GABBR2: variants seen among roughly 807,000 people sequenced by gnomAD.
The protein encoded by GABBR2 is G-protein coupled receptor 51.
In GABBR2, 23 loss-of-function variants were observed where a neutral mutation model predicts 105.6. The observed-to-expected ratio is 0.22, with a 90% CI of 0.16 to 0.31. GABBR2 has a LOEUF of 0.31. GABBR2 is among the 10% of genes least tolerant of loss of function. The pLI, the probability that GABBR2 is intolerant of heterozygous loss-of-function variation, is 1.00. For missense variants in GABBR2, 734 were observed against 1,245.5 expected (o/e 0.59, Z 6.18); for synonymous variants, 478 against 499.7 (o/e 0.96, Z 0.58).
At chr9:98,616,240 C>T (rs1829580440) in intron 1 of GABBR2, among the ~76,000 whole-genome samples, 1 of 152,238 alleles carries the variant, frequency 6.6e-6, no homozygotes, top group East Asian at 1.9e-4. Context: ...TTCAAATCCT[C>T]AGGGTCTTTG....
intron 4 of GABBR2, among the ~76,000 whole-genome samples, chr9:98,492,189 C>T (rs1378405796): frequency 6.6e-6 from 1 of 151,356 alleles, no homozygotes; most frequent in Non-Finnish European, 1.5e-5. Context: ...CTCTTTTCAC[C>T]AGTTATGCTA....
chr9:98,432,311 G>A lies in GABBR2; in HGVS notation c.1236+21670C>T, dbSNP rs145913898. Among the ~76,000 whole-genome samples the A allele has an allele frequency of 7.6e-4, 116 of 152,364 alleles. 1 individual carries two copies. Among genetic ancestry groups the A allele is most frequent in the Admixed American group, 9.2e-4 (14 of 15,300 alleles). On this transcript the variant is annotated intron_variant, in intron 7 of 18. Coordinates refer to ENST00000259455, the MANE Select transcript of GABBR2 (RefSeq NM_005458.8). ...CGGCAGAGGGGACAGAGAAAAAGGG[G>A]TGGTGGTTGGGATTTCACGGGGGTG... is the stretch of plus-strand genomic sequence containing the variant.
chr9:98,294,078 G>A (rs1174162439), intron 17 of GABBR2, among the ~76,000 whole-genome samples, 176 bp from the exon 18 acceptor site: 1 of 152,196 alleles, frequency 6.6e-6, no homozygotes, highest in Admixed American at 6.5e-5. Context: ...AAGGCGGTGA[G>A]CTGAGAAGCC....
chr9:98,606,807 C>CT lies in GABBR2; in HGVS notation c.322-28736dup, dbSNP rs530075369. The CT allele has an allele frequency of 2.2e-4, 74 of 329,504 alleles. No individual in the cohort carries two copies. In the East Asian group the frequency reaches 4.4e-3, roughly 19 times the overall value. The allele number at this position is 329,504 out of a possible 1,614,324, so 20.4% of individuals were successfully genotyped here. A position where few individuals can be genotyped will look rare whatever the true frequency, so the allele number is the denominator to read the frequency against. On this transcript the variant is annotated intron_variant, in intron 1 of 18. Coordinates refer to ENST00000259455, the MANE Select transcript of GABBR2 (RefSeq NM_005458.8). ...TTATCATTTTTTTATGATAACTTTC[C>CT]TTTTTTAAAAAAAAAGTACAAACAG...
In GABBR2 at chr9:98,290,590, G is replaced by A. The variant is rs767064117; in HGVS notation, c.2820C>T (p.Gly940=). ...GGGCCCAGGCCTCCCACCCTTACAG[G>A]CCCGAGACCATGACTCGGAAGGAGG... The part of the protein sequence containing the change: ...VPPSFRVMVS[G]L Residue 940 remains glycine, a synonymous_variant, in exon 19 of 19, where the codon GGC becomes GGT. Transcript: ENST00000259455. 3 of 1,394,588 alleles carry A rather than the reference G, an allele frequency of 2.2e-6. No individual in the cohort carries two copies. Among genetic ancestry groups the A allele is most frequent in the Non-Finnish European group, 2.8e-6 (3 of 1,073,450 alleles). 86.4% of individuals were successfully genotyped at this position (1,394,588 alleles called of 1,614,324 possible). A position where few individuals can be genotyped will look rare whatever the true frequency, so the allele number is the denominator to read the frequency against.
intron 1 of GABBR2, among the ~76,000 whole-genome samples, chr9:98,635,209 C>T (rs199670656): frequency 1.2e-3 from 176 of 152,324 alleles, no homozygotes; most frequent in Non-Finnish European, 2.1e-3. Context: ...CTATTTTCAC[C>T]AGGGATTCAC....
At chr9:98,503,958 T>C (rs1827454677) in intron 3 of GABBR2, among the ~76,000 whole-genome samples, 1 of 152,174 alleles carries the variant, frequency 6.6e-6, no homozygotes, top group Non-Finnish European at 1.5e-5. Context: ...GTAGCTAAAG[T>C]GGCTACTGAT....
chr9:98,392,975 C>G (rs941925694), intron 9 of GABBR2, among the ~76,000 whole-genome samples: 1 of 124,158 alleles, frequency 8.1e-6, no homozygotes, highest in Non-Finnish European at 1.7e-5. Context: ...CCAACCCACC[C>G]ACCTATCCAT....
chr9:98,567,926 C>A (rs1177131522), intron 2 of GABBR2, among the ~76,000 whole-genome samples: 1 of 152,050 alleles, frequency 6.6e-6, no homozygotes, highest in Non-Finnish European at 1.5e-5. Context: ...TCAGGAGAGC[C>A]TGGGAGAGTA....
chr9:98,455,490 GCAGT>G (rs545763220), intron 6 of GABBR2, among the ~76,000 whole-genome samples: 27 of 152,300 alleles, frequency 1.8e-4, no homozygotes, highest in Non-Finnish European at 3.8e-4. Flanking sequence ...TCACGGGCAT[GCAGT>G]CAGTCTATAG....
intron 6 of GABBR2, among the ~76,000 whole-genome samples, chr9:98,463,976 G>C (rs1277182918): frequency 1.3e-5 from 2 of 152,160 alleles, no homozygotes; most frequent in Non-Finnish European, 2.9e-5. Flanking sequence ...CGTGATCTTG[G>C]CTCGCTACAA....
chr9:98,655,012 T>C (rs774827557), intron 1 of GABBR2, among the ~76,000 whole-genome samples: 16 of 152,288 alleles, frequency 1.1e-4, no homozygotes, highest in Non-Finnish European at 2.1e-4. Flanking sequence ...TACATACTGC[T>C]TGATTTCAAC....
chr9:98,430,791 C>T (rs1464410044), intron 7 of GABBR2, among the ~76,000 whole-genome samples: 1 of 152,054 alleles, frequency 6.6e-6, no homozygotes, highest in East Asian at 1.9e-4. Flanking sequence ...GTTTGGGTTC[C>T]CCCTTCCTGT....
intron 8 of GABBR2, among the ~76,000 whole-genome samples, chr9:98,401,241 G>T (rs1312074677): frequency 6.6e-6 from 1 of 152,126 alleles, no homozygotes; most frequent in African/African-American, 2.4e-5. Context: ...AAGAGACTAA[G>T]CTTCTTTGCC....
At chr9:98,581,696 C>G (rs1159579796) in intron 1 of GABBR2, among the ~76,000 whole-genome samples, 2 of 151,902 alleles carry the variant, frequency 1.3e-5, no homozygotes, top group Non-Finnish European at 2.9e-5. Flanking sequence ...TTGGAATCTA[C>G]CATGATTTAC....
chr9:98,436,296 TATATATACCCATAAATATACC>T (rs1359222033), intron 7 of GABBR2, among the ~76,000 whole-genome samples: 2 of 116,480 alleles, frequency 1.7e-5, no homozygotes, highest in Admixed American at 9.5e-5. Context: ...TATATATATA[TATATATACCCATAAATATACC>T]ATATATATAT....
intron 3 of GABBR2, among the ~76,000 whole-genome samples, chr9:98,522,745 TG>T (rs1249912701): frequency 1.2e-4 from 18 of 152,168 alleles, no homozygotes; most frequent in Admixed American, 1.3e-4. Flanking sequence ...AACTGACTCA[TG>T]TCAGAAGAAA....
chr9:98,311,322 A>T, intron 13 of GABBR2, 117 bp from the exon 14 acceptor site: 1 of 646,114 alleles, frequency 1.5e-6, no homozygotes, highest in South Asian at 1.8e-5. Context: ...ACTGTTCAGC[A>T]GGCCATTTGG....
intron 1 of GABBR2, among the ~76,000 whole-genome samples, chr9:98,600,932 T>A (rs1316881573): frequency 6.6e-6 from 1 of 152,188 alleles, no homozygotes; most frequent in Non-Finnish European, 1.5e-5. Flanking sequence ...GCTTATCATG[T>A]CCCTCACTGA....
Sources: gnomAD v4.1 joint callset for allele counts (sites outside exome capture counted in the v4.1 genomes callset) on GRCh38, gnomAD v4.1.1 for gene constraint, MANE v1.5 for transcripts, NCBI Gene and HGNC (gene_info 2026-07-23, HGNC 2026-07-21) for gene names.